NME7: variants seen among roughly 807,000 people sequenced by gnomAD.
NME7 encodes nucleoside diphosphate kinase 7.
Under a neutral mutation model 49.1 loss-of-function variants are expected in NME7, and 41 were observed. The observed-to-expected ratio is 0.83, with a 90% CI of 0.65 to 1.08. The LOEUF (loss-of-function observed/expected upper bound fraction) is 1.08. Among genes scored for constraint, NME7 ranks in the 50% least tolerant of loss-of-function variants. NME7 has a pLI of 0.00. For missense variants in NME7, 423 were observed against 463.4 expected (o/e 0.91, Z 0.80); for synonymous variants, 139 against 150.6 (o/e 0.92, Z 0.56).
chr1:169,198,211 G>C (rs12734206), intron 10 of NME7, among the ~76,000 whole-genome samples: 56,310 of 151,798 alleles, frequency 0.37, 11,016 homozygotes, highest in East Asian at 0.73. Flanking sequence ...AACATATACT[G>C]GTGAGAATAT....
At chr1:169,141,615 G>C (rs1658597090) in intron 11 of NME7, among the ~76,000 whole-genome samples, 1 of 152,100 alleles carries the variant, frequency 6.6e-6, no homozygotes, top group South Asian at 2.1e-4. Context: ...CTCTTTACAA[G>C]AAAAACAAAC....
intron 10 of NME7, among the ~76,000 whole-genome samples, chr1:169,192,839 T>A (rs1660272507): frequency 6.6e-6 from 1 of 152,184 alleles, no homozygotes; most frequent in Non-Finnish European, 1.5e-5. Context: ...TTTCATTTTT[T>A]AAACAAATAT....
At chr1:169,234,300 C>T (rs914352040) in intron 9 of NME7, among the ~76,000 whole-genome samples, 1 of 152,000 alleles carries the variant, frequency 6.6e-6, no homozygotes, top group Non-Finnish European at 1.5e-5. Context: ...TAAATGCAGG[C>T]AGTATGTTTT....
At chr1:169,306,399 G>C (rs1651173281) in intron 4 of NME7, among the ~76,000 whole-genome samples, 1 of 152,158 alleles carries the variant, frequency 6.6e-6, no homozygotes, top group South Asian at 2.1e-4. Flanking sequence ...AGTAAGTCAA[G>C]AAGTAGACAA....
At chr1:169,334,862 T>TTTATAAGAAAAAACAAACA (rs1278600142) in intron 1 of NME7, among the ~76,000 whole-genome samples, 59 of 152,160 alleles carry the variant, frequency 3.9e-4, no homozygotes, top group African/African-American at 1.3e-3. Context: ...CTTAAACATA[T>TTTATAAGAAAAAACAAACA]TTATAAGAAA....
intron 10 of NME7, among the ~76,000 whole-genome samples, chr1:169,197,032 C>T (rs921773392): frequency 6.6e-6 from 1 of 152,072 alleles, no homozygotes; most frequent in Non-Finnish European, 1.5e-5. Context: ...GCAGATTTGT[C>T]TTAAGCTGAG....
intron 1 of NME7, among the ~76,000 whole-genome samples, chr1:169,335,545 C>A (rs1043924126): frequency 6.6e-6 from 1 of 151,458 alleles, no homozygotes; most frequent in African/African-American, 2.4e-5. Flanking sequence ...CATACCAGGG[C>A]CTGTTGTGGG....
Position 169,340,817 on chromosome 1 carries a change from G to T in NME7, c.4-16317C>A, listed in dbSNP as rs113701841. On this transcript the variant is annotated intron_variant, in intron 1 of 11. Transcript: ENST00000367811. ...CTGTGGAGCTTTGAACTCAAAAGAT[G>T]ATTTAGGGTATCTGGCAGAAGAAAT... is the stretch of plus-strand genomic sequence containing the variant. Among the ~76,000 whole-genome samples the T allele has an allele frequency of 3.5e-3, 540 of 152,308 alleles. 6 individuals carry two copies. Among genetic ancestry groups the T allele is most frequent in the African/African-American group, 0.012 (516 of 41,566 alleles).
At chr1:169,264,050 G>A (rs1468524715) in intron 7 of NME7, among the ~76,000 whole-genome samples, 2 of 133,500 alleles carry the variant, frequency 1.5e-5, no homozygotes, top group African/African-American at 5.1e-5. Context: ...AGAAAATGCT[G>A]AGGGAATTCA....
chr1:169,255,939 A>T (rs1571331846), intron 7 of NME7, among the ~76,000 whole-genome samples: 1 of 133,482 alleles, frequency 7.5e-6, no homozygotes, highest in South Asian at 2.3e-4. Flanking sequence ...ATCCACTGTT[A>T]GTCTGATGGG....
chr1:169,230,385 A>C (rs1024611660), intron 10 of NME7, among the ~76,000 whole-genome samples: 1 of 152,150 alleles, frequency 6.6e-6, no homozygotes, highest in Non-Finnish European at 1.5e-5. Flanking sequence ...TGGCCCCCCT[A>C]TGTCAAAGGA....
intron 10 of NME7, among the ~76,000 whole-genome samples, chr1:169,229,293 G>A (rs1190512205): frequency 6.6e-6 from 1 of 152,150 alleles, no homozygotes; most frequent in African/African-American, 2.4e-5. Flanking sequence ...TATTCTTGCT[G>A]TATACCACAG....
intron 11 of NME7, among the ~76,000 whole-genome samples, chr1:169,165,653 G>A (rs771553623): frequency 2.3e-4 from 35 of 152,204 alleles, no homozygotes; most frequent in Non-Finnish European, 1.0e-4. Context: ...AGTGCTCACT[G>A]ATCAGACAAC....
At chr1:169,315,125 T>C (rs554195666) in intron 3 of NME7, among the ~76,000 whole-genome samples, 2 of 152,218 alleles carry the variant, frequency 1.3e-5, no homozygotes, top group Admixed American at 6.5e-5. Flanking sequence ...TGGCAATTGA[T>C]AGAATAAGCT....
intron 10 of NME7, among the ~76,000 whole-genome samples, chr1:169,228,041 TAC>T (rs72257273): frequency 0.029 from 4,308 of 146,956 alleles, 77 homozygotes; most frequent in Middle Eastern, 0.045. Flanking sequence ...TATGTGTGTA[TAC>T]ACACACACAC....
At chr1:169,279,457 T>A (rs951573896) in intron 7 of NME7, among the ~76,000 whole-genome samples, 1 of 152,194 alleles carries the variant, frequency 6.6e-6, no homozygotes, top group Non-Finnish European at 1.5e-5. Flanking sequence ...GTGCTAGCAA[T>A]CAACGAGACT....
chr1:169,356,939 T>C (rs1346476922), intron 1 of NME7, among the ~76,000 whole-genome samples: 1 of 152,172 alleles, frequency 6.6e-6, no homozygotes, highest in Non-Finnish European at 1.5e-5. Context: ...ACTAATCTTG[T>C]TTTTAATTAG....
chr1:169,277,326 C>T (rs1039981788), intron 7 of NME7, among the ~76,000 whole-genome samples: 8 of 142,350 alleles, frequency 5.6e-5, no homozygotes, highest in African/African-American at 2.0e-4. Flanking sequence ...GAGTCTAAGT[C>T]TCTTTGTAGG....
At position 169,132,746 on chromosome 1, in the gene NME7, T is replaced by C; in HGVS notation, c.*39A>G. 8.8e-6 allele frequency: 14 copies of C among 1,597,406 alleles called. No homozygotes were observed. The highest frequency in any genetic ancestry group is 1.2e-5 in the Non-Finnish European group (14 of 1,166,492). On this transcript the variant is annotated 3_prime_UTR_variant, in exon 12 of 12. Transcript: ENST00000367811. Reference sequence around the variant, plus strand: ...TCCTCGTGTGTGATTCACTCTTGTCTAAATGTCCCAACCTGTGACTTCTTT... The same window carrying C: ...TCCTCGTGTGTGATTCACTCTTGTCCAAATGTCCCAACCTGTGACTTCTTT...
Sources: gnomAD v4.1 joint callset for allele counts (sites outside exome capture counted in the v4.1 genomes callset) on GRCh38, gnomAD v4.1.1 for gene constraint, MANE v1.5 for transcripts, NCBI Gene and HGNC (gene_info 2026-07-23, HGNC 2026-07-21) for gene names.